The following EPHA6 variants were observed in gnomAD, a reference collection of about 807,000 sequenced individuals.
The protein encoded by EPHA6 is EPH receptor A6, also known as ephrin type-A receptor 6.
A neutral mutation model predicts 112.0 loss-of-function variants in EPHA6; 50 were observed. The observed-to-expected ratio is 0.45, with a 90% CI of 0.36 to 0.56. EPHA6 has a LOEUF of 0.56. EPHA6 is among the 20% of genes least tolerant of loss of function. EPHA6 has a pLI of 0.00. For missense variants in EPHA6, 1,280 were observed against 1,417.4 expected (o/e 0.90, Z 1.56); for synonymous variants, 529 against 490.7 (o/e 1.08, Z -1.03).
At chr3:97,671,094 G>C (rs898726557) in intron 14 of EPHA6, among the ~76,000 whole-genome samples, 1 of 152,132 alleles carries the variant, frequency 6.6e-6, no homozygotes, top group Admixed American at 6.6e-5. Flanking sequence ...GTATCTCCTA[G>C]AGTCTCGGTT....
chr3:97,452,667 T>G (rs1475603235), intron 7 of EPHA6, among the ~76,000 whole-genome samples: 1 of 151,706 alleles, frequency 6.6e-6, no homozygotes, highest in African/African-American at 2.4e-5. Context: ...ATGGATTTTC[T>G]TGGGAGATAG....
At chr3:97,481,828 C>T (rs2091561910) in intron 9 of EPHA6, among the ~76,000 whole-genome samples, 1 of 152,220 alleles carries the variant, frequency 6.6e-6, no homozygotes, top group Non-Finnish European at 1.5e-5. Context: ...TGGATCCAGA[C>T]ACCTGGGCTG....
At chr3:97,270,359 T>G (rs1290231552) in intron 5 of EPHA6, among the ~76,000 whole-genome samples, 1 of 152,182 alleles carries the variant, frequency 6.6e-6, no homozygotes, top group East Asian at 1.9e-4. Context: ...CTTTCATCAT[T>G]TTTTCCCTTG....
chr3:97,106,570 T>C (rs1353074047), intron 3 of EPHA6, among the ~76,000 whole-genome samples: 3 of 152,054 alleles, frequency 2.0e-5, no homozygotes, highest in Non-Finnish European at 2.9e-5. Flanking sequence ...CAGTAAAACG[T>C]TGTACTCATT....
intron 2 of EPHA6, among the ~76,000 whole-genome samples, chr3:96,949,941 GT>G (rs2041454735): frequency 6.6e-6 from 1 of 152,006 alleles, no homozygotes; most frequent in African/African-American, 2.4e-5. Flanking sequence ...TAAACCTTTT[GT>G]GTTCACAAGT....
At chr3:97,280,546 T>A (rs952322777) in intron 5 of EPHA6, among the ~76,000 whole-genome samples, 26 of 152,300 alleles carry the variant, frequency 1.7e-4, no homozygotes, top group East Asian at 7.7e-4. Context: ...CCTTTTTTTT[T>A]AATCTCCATT....
intron 3 of EPHA6, among the ~76,000 whole-genome samples, chr3:97,221,935 C>T (rs910949621): frequency 6.6e-6 from 1 of 151,126 alleles, no homozygotes; most frequent in African/African-American, 2.4e-5. Context: ...GAGGCTGAGG[C>T]AGGAGAATTG....
intron 1 of EPHA6, among the ~76,000 whole-genome samples, chr3:96,840,981 C>T (rs1316785070): frequency 6.6e-6 from 1 of 152,024 alleles, no homozygotes; most frequent in African/African-American, 2.4e-5. Context: ...AGACAGGTCT[C>T]AGTTAATTTT....
chr3:97,266,520 T>A (rs975492967), intron 5 of EPHA6, among the ~76,000 whole-genome samples: 6 of 151,384 alleles, frequency 4.0e-5, no homozygotes, highest in East Asian at 2.0e-4. Context: ...AAAAAAAAAA[T>A]TTGCTACCAC....
chr3:97,046,989 T>G (rs2045529571), intron 3 of EPHA6, among the ~76,000 whole-genome samples: 1 of 152,158 alleles, frequency 6.6e-6, no homozygotes, highest in African/African-American at 2.4e-5. Flanking sequence ...TTTCTCAGTC[T>G]TGTTTAGGAA....
chr3:97,450,771 T>C (rs935657670), intron 7 of EPHA6, among the ~76,000 whole-genome samples: 1 of 152,004 alleles, frequency 6.6e-6, no homozygotes, highest in South Asian at 2.1e-4. Context: ...GGATAAAAAA[T>C]AATAATAAGA....
chr3:97,651,303 GA>G (rs2094105975), intron 14 of EPHA6, among the ~76,000 whole-genome samples: 1 of 151,918 alleles, frequency 6.6e-6, no homozygotes, highest in South Asian at 2.1e-4. Flanking sequence ...ATCTGCAATA[GA>G]AAGAAGCAAA....
At chr3:96,854,529 A>G (rs953508002) in intron 1 of EPHA6, among the ~76,000 whole-genome samples, 2 of 152,090 alleles carry the variant, frequency 1.3e-5, no homozygotes, top group Non-Finnish European at 2.9e-5. Flanking sequence ...ATGAGATTGT[A>G]ATCACCCTGA....
chr3:97,486,001 A>C (rs989739536), intron 10 of EPHA6, among the ~76,000 whole-genome samples: 1 of 152,266 alleles, frequency 6.6e-6, no homozygotes. Flanking sequence ...ATAAGAAGAA[A>C]TAAAATGTTT....
chr3:97,535,639 A>G (rs2092753464), intron 11 of EPHA6, among the ~76,000 whole-genome samples: 1 of 152,122 alleles, frequency 6.6e-6, no homozygotes, highest in Non-Finnish European at 1.5e-5. Flanking sequence ...TAGCTAAGAG[A>G]TAGCTAGCAA....
chr3:97,144,740 TC>T (rs2075997560), intron 3 of EPHA6, among the ~76,000 whole-genome samples: 2 of 151,556 alleles, frequency 1.3e-5, no homozygotes, highest in Admixed American at 1.3e-4. Context: ...GAGTAACTTT[TC>T]TAATATATCT....
chr3:97,331,466 T>G (rs752310019), intron 5 of EPHA6, among the ~76,000 whole-genome samples: 9 of 152,092 alleles, frequency 5.9e-5, no homozygotes, highest in Non-Finnish European at 1.0e-4. Context: ...AGGAACTGGT[T>G]TTTTGAAAAG....
At chr3:97,369,684 A>C (rs190051280) in intron 5 of EPHA6, among the ~76,000 whole-genome samples, 29 of 152,272 alleles carry the variant, frequency 1.9e-4, no homozygotes, top group Non-Finnish European at 3.5e-4. Context: ...TCACTGATTG[A>C]TACAATGAAA....
intron 3 of EPHA6, among the ~76,000 whole-genome samples, chr3:97,084,205 A>G (rs1195099655): frequency 6.7e-6 from 1 of 149,588 alleles, no homozygotes; most frequent in Non-Finnish European, 1.5e-5. Flanking sequence ...ATCCATTGCA[A>G]AATTTCACAG....
Sources: allele counts gnomAD v4.1 joint callset (sites outside exome capture counted in the v4.1 genomes callset), GRCh38; gene constraint gnomAD v4.1.1; transcripts MANE v1.5; gene names NCBI Gene and HGNC (gene_info 2026-07-23, HGNC 2026-07-21).